The following CC2D1A variants were observed in gnomAD, a reference collection of about 807,000 sequenced individuals.
CC2D1A encodes coiled-coil and C2 domain-containing protein 1A.
CC2D1A carries 68 observed loss-of-function variants against 123.8 expected under a neutral mutation model. The observed-to-expected ratio is 0.55, with a 90% CI of 0.45 to 0.67. The LOEUF (loss-of-function observed/expected upper bound fraction) is 0.67, where lower values mean the gene tolerates loss of function less well. CC2D1A is among the 30% of genes least tolerant of loss of function. The pLI is 0.00. For missense variants in CC2D1A, 1,185 were observed against 1,290.3 expected (o/e 0.92, Z 1.25); for synonymous variants, 477 against 528.0 (o/e 0.90, Z 1.32).
At chr19:13,922,401 C>G (rs1236456557) in intron 14 of CC2D1A, among the ~76,000 whole-genome samples, 10 of 152,238 alleles carry the variant, frequency 6.6e-5, no homozygotes. Flanking sequence ...TTTGCACATG[C>G]AGTTCCCACT....
At chr19:13,907,428 A>G (rs1325771259) in intron 1 of CC2D1A, among the ~76,000 whole-genome samples, 1 of 152,018 alleles carries the variant, frequency 6.6e-6, no homozygotes, top group Non-Finnish European at 1.5e-5. Context: ...AAAGATAAAA[A>G]ATTAAAAATG....
intron 6 of CC2D1A, among the ~76,000 whole-genome samples, chr19:13,917,619 G>C (rs1204349976): frequency 6.6e-6 from 1 of 151,908 alleles, no homozygotes; most frequent in Admixed American, 6.6e-5. Flanking sequence ...GGAGGCGGAG[G>C]TTGCAGTGAG....
Position 13,906,478 on chromosome 19 carries a change from A to G in CC2D1A, c.37A>G (p.Arg13Gly). ...KRKGPPGPPG[R>G]GAAAARQLGL... ...GAAAGGACCCCCGGGACCCCCGGGC[A>G]GAGGCGCCGCGGCCGCCCGCCAGGT... Residue 13 changes from arginine (R) to glycine (G), a missense_variant, in exon 1 of 29, where the codon AGA becomes GGA. Arg to Gly is a moderately radical substitution (Grantham distance 125). Coordinates refer to ENST00000318003, the MANE Select transcript of CC2D1A (RefSeq NM_017721.5). The surrounding 1 kb of genome is among the most constrained non-coding windows in gnomAD (Gnocchi z 4.1). The G allele has an allele frequency of 6.6e-7, 1 of 1,512,108 alleles. No homozygotes were observed. Among genetic ancestry groups the G allele is most frequent in the Admixed American group, 2.1e-5 (1 of 47,550 alleles). The allele number at this position is 1,512,108 out of a possible 1,614,324, so 93.7% of individuals were successfully genotyped here.
At position 13,918,497 on chromosome 19, in the gene CC2D1A, C is replaced by T. The variant is rs1219278214; in HGVS notation, c.874-7C>T. 4 of 1,613,008 alleles carry T rather than the reference C, an allele frequency of 2.5e-6. No homozygotes were observed. In the African/African-American group the frequency reaches 5.3e-5, roughly 22 times the overall value. On this transcript the variant is annotated splice_polypyrimidine_tract_variant and splice_region_variant and intron_variant, in intron 7 of 28. Transcript: ENST00000318003. ...CTCTTCTTCTAATCTCCTCTTCCTTCTCCCAGAGCTTTGATGCTGTCTTGG... is the reference window on the plus strand; with the variant it reads ...CTCTTCTTCTAATCTCCTCTTCCTTTTCCCAGAGCTTTGATGCTGTCTTGG...
Position 13,909,919 on chromosome 19 carries a change from G to A in CC2D1A, c.157G>A (p.Gly53Arg), listed in dbSNP as rs752002689. ...GGAGGCTGAGTTCTTGGCTTTGGTC[G>A]GGGGCCAGCCCCCAGCCCTGGAGAA... ...ELEAEFLALV[G>R]GQPPALEKLK... is the part of the protein sequence containing the mutation. Residue 53 changes from glycine to arginine, a missense_variant, in exon 2 of 29, where the codon GGG becomes AGG. Gly to Arg is a moderately radical substitution (Grantham distance 125, BLOSUM62 -2). Transcript: ENST00000318003. 9 of 1,541,086 alleles carry A rather than the reference G, an allele frequency of 5.8e-6. No homozygotes were observed. In the South Asian group the frequency reaches 6.3e-5, roughly 11 times the overall value.
intron 17 of CC2D1A, among the ~76,000 whole-genome samples, chr19:13,925,563 T>G (rs1440215697): frequency 7.2e-6 from 1 of 139,802 alleles, no homozygotes; most frequent in East Asian, 2.2e-4. Context: ...GGCGACAGAG[T>G]GAGACTGTCT....
chr19:13,915,474 C>T (rs986031774), intron 6 of CC2D1A, among the ~76,000 whole-genome samples: 1 of 152,250 alleles, frequency 6.6e-6, no homozygotes, highest in Non-Finnish European at 1.5e-5. Context: ...GTCTCGAACT[C>T]CTGACCTCAG....
intron 6 of CC2D1A, 62 bp from the exon 7 acceptor site, chr19:13,918,008 G>T (rs763623146): frequency 1.3e-6 from 2 of 1,557,646 alleles, no homozygotes; most frequent in South Asian, 2.3e-5. Flanking sequence ...AATAACAAAT[G>T]GTTTACACGG....
At chr19:13,919,572 T>A in intron 11 of CC2D1A, 1 of 369,646 alleles carries the variant, frequency 2.7e-6, no homozygotes. Flanking sequence ...ACCCCGTGGC[T>A]ACAAGAAATT....
chr19:13,927,695 G>A lies in CC2D1A; in HGVS notation c.2317-198G>A, dbSNP rs901928396. The A allele has an allele frequency of 7.9e-5, 48 of 611,122 alleles. No individual in the cohort carries two copies. The South Asian group carries it at 8.1e-4, about 10-fold the overall frequency. The allele number at this position is 611,122 out of a possible 1,614,324, so 37.9% of individuals were successfully genotyped here. On this transcript the variant is annotated intron_variant, in intron 22 of 28. Coordinates refer to ENST00000318003, the MANE Select transcript of CC2D1A (RefSeq NM_017721.5). ...CGGGAGGCTGAGGCAGGAGAATGGC[G>A]TAAGTAAACCCAGGAGGCGGAGCTT...
intron 17 of CC2D1A, among the ~76,000 whole-genome samples, chr19:13,925,116 C>A (rs1396358248): frequency 2.6e-5 from 4 of 152,172 alleles, no homozygotes; most frequent in Admixed American, 1.3e-4. Context: ...CGAGCAGTCT[C>A]TTCTGAGCAC....
chr19:13,926,048 G>GTA (rs1971623408), intron 17 of CC2D1A, among the ~76,000 whole-genome samples: 1 of 60,718 alleles, frequency 1.6e-5, no homozygotes, highest in Non-Finnish European at 3.1e-5. Context: ...ATATATACAC[G>GTA]TATATATATG....
chr19:13,930,432 A>G lies in CC2D1A; in HGVS notation c.*37A>G. The G allele has an allele frequency of 6.4e-7, 1 of 1,574,524 alleles. No individual in the cohort carries two copies. Among genetic ancestry groups the G allele is most frequent in the Middle Eastern group, 2.0e-4 (1 of 4,962 alleles). On this transcript the variant is annotated 3_prime_UTR_variant, in exon 29 of 29. Transcript: ENST00000318003. The surrounding 1 kb of genome is among the most constrained non-coding windows in gnomAD (Gnocchi z 6.8). Reference sequence around the variant, plus strand: ...GGCGGGCAGCCCCCAGAAAGCGGGCAGCAGGCCCCGATACCGGGAAGAGCC... The same window carrying G: ...GGCGGGCAGCCCCCAGAAAGCGGGCGGCAGGCCCCGATACCGGGAAGAGCC...
chr19:13,928,321 T>C, intron 24 of CC2D1A, 133 bp downstream of exon 24: 1 of 728,292 alleles, frequency 1.4e-6, no homozygotes, highest in African/African-American at 1.8e-5. Context: ...GCACCCCTTT[T>C]CCCAGAGGAT....
At chr19:13,921,881 G>A (rs959629226) in intron 14 of CC2D1A, among the ~76,000 whole-genome samples, 2 of 152,180 alleles carry the variant, frequency 1.3e-5, no homozygotes, top group African/African-American at 2.4e-5. Flanking sequence ...GTCATGGAGT[G>A]GATGTTCTAA....
chr19:13,918,549 GACC>G lies in CC2D1A; in HGVS notation c.920_922del (p.Asp307_Leu308delinsVal). 6.2e-7 allele frequency: 1 copy of G among 1,613,754 alleles called. No homozygotes were observed. The highest frequency in any genetic ancestry group is 1.7e-5 in the Admixed American group (1 of 60,008). ...GGCCCTGAGCCGGGGTGAGCCCGTG[GACC>G]TCTCCTGCCTGCCCCCTCCACCCGG... On this transcript the variant is annotated inframe_deletion, in exon 8 of 29. Transcript: ENST00000318003.
intron 1 of CC2D1A, among the ~76,000 whole-genome samples, chr19:13,909,449 T>C (rs1040641647): frequency 1.3e-5 from 2 of 151,612 alleles, no homozygotes; most frequent in African/African-American, 4.8e-5. Flanking sequence ...CCCAGGCTGG[T>C]CTGGAACTCC....
chr19:13,926,092 ATATT>A (rs779852306), intron 17 of CC2D1A, among the ~76,000 whole-genome samples: 2 of 144,620 alleles, frequency 1.4e-5, no homozygotes, highest in Non-Finnish European at 3.0e-5. Flanking sequence ...ACACACATAT[ATATT>A]AAGTGAAAAG....
chr19:13,923,860 G>A lies in CC2D1A; in HGVS notation c.1940+49G>A. 2 of 1,409,548 alleles carry A rather than the reference G, an allele frequency of 1.4e-6. No individual in the cohort carries two copies. The highest frequency in any genetic ancestry group is 2.0e-6 in the Non-Finnish European group (2 of 995,822). 87.3% of individuals were successfully genotyped at this position (1,409,548 alleles called of 1,614,324 possible). On this transcript the variant is annotated intron_variant, in intron 17 of 28. Transcript: ENST00000318003. The surrounding 1 kb of genome is among the most constrained non-coding windows in gnomAD (Gnocchi z 5.3). ...ACCACGTGGCCCCAGTGGCCCTTTGGTGGCGGTGGGGCGGGTTGTGCTCCC... is the reference window on the plus strand; with the variant it reads ...ACCACGTGGCCCCAGTGGCCCTTTGATGGCGGTGGGGCGGGTTGTGCTCCC...
Sources: allele counts gnomAD v4.1 joint callset (sites outside exome capture counted in the v4.1 genomes callset), GRCh38; gene constraint gnomAD v4.1.1; non-coding constraint Gnocchi (gnomAD v3.1); transcripts MANE v1.5; gene names NCBI Gene and HGNC (gene_info 2026-07-23, HGNC 2026-07-21).